The following SPECC1L variants were observed in gnomAD, a reference collection of about 807,000 sequenced individuals.
SPECC1L encodes cytospin-A.
In SPECC1L, 40 loss-of-function variants were observed where a neutral mutation model predicts 116.8. That is an observed-to-expected ratio of 0.34 (90% CI 0.27 to 0.45). SPECC1L has a LOEUF of 0.45. Among genes scored for constraint, SPECC1L ranks in the 20% least tolerant of loss-of-function variants. The pLI is 1.00. For synonymous variants in SPECC1L, 504 were observed against 500.6 expected (o/e 1.01, Z -0.09); for missense variants, 1,110 against 1,373.6 (o/e 0.81, Z 3.03).
intron 11 of SPECC1L, among the ~76,000 whole-genome samples, chr22:24,362,687 C>G (rs982168665): frequency 6.6e-6 from 1 of 152,166 alleles, no homozygotes; most frequent in African/African-American, 2.4e-5. Flanking sequence ...CTTTCTCTGA[C>G]TGTTGTTGGC....
chr22:24,317,685 C>CGGG (rs1368188143), intron 4 of SPECC1L, among the ~76,000 whole-genome samples: 2 of 151,998 alleles, frequency 1.3e-5, no homozygotes, highest in African/African-American at 2.4e-5. Flanking sequence ...CCCTCCTGGA[C>CGGG]GGGGTGGCTG....
chr22:24,318,007 G>A (rs1053773503), intron 4 of SPECC1L, among the ~76,000 whole-genome samples: 360 of 151,300 alleles, frequency 2.4e-3, no homozygotes, highest in Non-Finnish European at 4.0e-3. Context: ...ATGGGATGGC[G>A]GCTGGGCAGA....
chr22:24,335,709 C>T (rs1742606065), intron 9 of SPECC1L, among the ~76,000 whole-genome samples: 1 of 152,164 alleles, frequency 6.6e-6, no homozygotes, highest in African/African-American at 2.4e-5. Context: ...TACTCCTACA[C>T]ACTGTTGGTG....
At chr22:24,363,405 A>C (rs920826110) in intron 12 of SPECC1L, 61 bp downstream of exon 12, 1 of 1,416,122 alleles carries the variant, frequency 7.1e-7, no homozygotes, top group African/African-American at 1.4e-5. Flanking sequence ...GGATCTCACT[A>C]TGTTGCCCAG....
intron 14 of SPECC1L, among the ~76,000 whole-genome samples, chr22:24,408,456 T>A (rs1313921168): frequency 6.6e-6 from 1 of 152,222 alleles, no homozygotes; most frequent in African/African-American, 2.4e-5. Context: ...GACTACAGAC[T>A]GAGGCAGAGA....
intron 1 of SPECC1L, among the ~76,000 whole-genome samples, chr22:24,274,425 A>C (rs1448822887): frequency 6.6e-6 from 1 of 152,248 alleles, no homozygotes; most frequent in African/African-American, 2.4e-5. Context: ...GCAGTGTATC[A>C]AAAGGCACGT....
chr22:24,328,923 G>A lies in SPECC1L; in HGVS notation c.2220+4G>A, dbSNP rs780923648. On this transcript the variant is annotated splice_donor_region_variant and intron_variant, in intron 7 of 16. Transcript: ENST00000314328. Reference sequence around the variant, plus strand: ...GACACTCCACAGAAGACTTCGGGTAGGATAAATCTTCATGTATTGTCTTGT... The same window carrying A: ...GACACTCCACAGAAGACTTCGGGTAAGATAAATCTTCATGTATTGTCTTGT... 4.4e-6 allele frequency: 7 copies of A among 1,607,862 alleles called. No homozygotes were observed. The Admixed American group carries it at 1.0e-4, about 23-fold the overall frequency.
chr22:24,328,788 A>G (rs1356925962), intron 6 of SPECC1L, 58 bp from the exon 7 acceptor site: 5 of 1,361,510 alleles, frequency 3.7e-6, no homozygotes, highest in Admixed American at 1.7e-5. Flanking sequence ...TTTTCTTTGT[A>G]TTATTACTCT....
At chr22:24,356,383 A>T (rs945214102) in intron 11 of SPECC1L, among the ~76,000 whole-genome samples, 1 of 152,078 alleles carries the variant, frequency 6.6e-6, no homozygotes, top group African/African-American at 2.4e-5. Flanking sequence ...GGAATGTGTT[A>T]TGTCTTCTTA....
At chr22:24,302,115 G>GGTA in intron 2 of SPECC1L, 80 bp from the exon 3 acceptor site, 1 of 1,114,880 alleles carries the variant, frequency 9.0e-7, no homozygotes, top group Non-Finnish European at 1.3e-6. Context: ...TTTATCACAT[G>GGTA]GTAAAATTCT....
chr22:24,377,229 A>G (rs1268181178), intron 14 of SPECC1L, among the ~76,000 whole-genome samples: 1 of 152,194 alleles, frequency 6.6e-6, no homozygotes, highest in African/African-American at 2.4e-5. Flanking sequence ...TGGATATGCC[A>G]CATATTTATC....
intron 11 of SPECC1L, among the ~76,000 whole-genome samples, chr22:24,357,707 C>T (rs113935891): frequency 3.3e-5 from 5 of 152,248 alleles, no homozygotes; most frequent in Admixed American, 1.3e-4. Context: ...GCTGTGATTA[C>T]CCTCAGGGCA....
chr22:24,363,421 T>C, intron 12 of SPECC1L, 77 bp downstream of exon 12: 2 of 1,267,368 alleles, frequency 1.6e-6, no homozygotes, highest in Non-Finnish European at 2.3e-6. Context: ...CCCAGGCTGA[T>C]CTCAAACTCC....
At chr22:24,288,769 G>T (rs1321650371) in intron 2 of SPECC1L, among the ~76,000 whole-genome samples, 2 of 151,890 alleles carry the variant, frequency 1.3e-5, no homozygotes, top group Non-Finnish European at 2.9e-5. Context: ...GGAATTACAG[G>T]TGTCTGCCAC....
intron 2 of SPECC1L, among the ~76,000 whole-genome samples, chr22:24,282,235 T>C (rs570567530): frequency 6.6e-6 from 1 of 152,340 alleles, no homozygotes; most frequent in Admixed American, 6.5e-5. Flanking sequence ...GGTCAGAATC[T>C]TTAGCCTTCA....
chr22:24,276,510 G>A (rs1370047619), intron 1 of SPECC1L, among the ~76,000 whole-genome samples, 190 bp from the exon 2 acceptor site: 4 of 152,244 alleles, frequency 2.6e-5, no homozygotes, highest in African/African-American at 9.6e-5. Flanking sequence ...GTGCGCACCT[G>A]TAGTGCCAGC....
At chr22:24,377,954 G>A (rs181709834) in intron 14 of SPECC1L, among the ~76,000 whole-genome samples, 14 of 152,304 alleles carry the variant, frequency 9.2e-5, no homozygotes, top group South Asian at 2.1e-4. Context: ...AGCTGCTTAG[G>A]CCCTAATGAG....
At chr22:24,377,084 A>G (rs1014086608) in intron 14 of SPECC1L, among the ~76,000 whole-genome samples, 1 of 152,148 alleles carries the variant, frequency 6.6e-6, no homozygotes, top group African/African-American at 2.4e-5. Context: ...GACATTTCCT[A>G]TAAATGGAAT....
chr22:24,349,547 A>G lies in SPECC1L; in HGVS notation c.2743+2371A>G, dbSNP rs145462850. Among the ~76,000 whole-genome samples, 600 of 152,284 alleles carry G rather than the reference A, an allele frequency of 3.9e-3. 2 individuals are homozygous for G. Among genetic ancestry groups the G allele is most frequent in the African/African-American group, 0.013 (541 of 41,556 alleles). The stretch of plus-strand genomic sequence containing the variant: ...TCGTGTATACAGTTGCCTACTTGAC[A>G]TCTTCCCATTTTGATATTGAATATT... On this transcript the variant is annotated intron_variant, in intron 11 of 16. Transcript: ENST00000314328.
Sources: allele counts gnomAD v4.1 joint callset (sites outside exome capture counted in the v4.1 genomes callset), GRCh38; gene constraint gnomAD v4.1.1; transcripts MANE v1.5; gene names NCBI Gene and HGNC (gene_info 2026-07-23, HGNC 2026-07-21).